NTRK3: variants seen among roughly 807,000 people sequenced by gnomAD.
The protein encoded by NTRK3 is neurotrophic receptor tyrosine kinase 3, also known as NT-3 growth factor receptor.
NTRK3 carries 24 observed loss-of-function variants against 91.7 expected under a neutral mutation model. That is an observed-to-expected ratio of 0.26 (90% confidence interval 0.19 to 0.37). The LOEUF (loss-of-function observed/expected upper bound fraction) is 0.37. Among genes scored for constraint, NTRK3 ranks in the 10% least tolerant of loss-of-function variants. The pLI, the probability that NTRK3 is intolerant of heterozygous loss-of-function variation, is 1.00. For synonymous variants in NTRK3, 483 were observed against 404.0 expected, an observed-to-expected ratio of 1.20 and a Z score of -2.34; for missense variants, 880 against 1,068.9, an observed-to-expected ratio of 0.82 and a Z score of 2.46.
exon 19 of NTRK3, chr15:87,875,853 G>C (rs1411064265): frequency 4.3e-6 from 1 of 232,468 alleles, no homozygotes; most frequent in African/African-American, 2.2e-5. Context: ...AGCAGGATGA[G>C]AAACTGAGAG....
intron 6 of NTRK3, among the ~76,000 whole-genome samples, chr15:88,146,210 G>A (rs986204550): frequency 6.6e-6 from 1 of 152,184 alleles, no homozygotes; most frequent in Admixed American, 6.5e-5. Context: ...AGGTCATCAT[G>A]GGGTGATAGG....
intron 5 of NTRK3, among the ~76,000 whole-genome samples, chr15:88,166,916 A>T (rs920507681): frequency 6.6e-6 from 1 of 152,056 alleles, no homozygotes; most frequent in South Asian, 2.1e-4. Context: ...TTTTCTCTTC[A>T]CTTTGTTTCC....
At chr15:88,228,385 G>A (rs532749470) in intron 3 of NTRK3, among the ~76,000 whole-genome samples, 23 of 152,122 alleles carry the variant, frequency 1.5e-4, no homozygotes, top group Non-Finnish European at 2.2e-4. Context: ...ATGGCTGGCT[G>A]TTATGGCTCA....
intron 14 of NTRK3, among the ~76,000 whole-genome samples, chr15:87,949,692 T>G (rs1245690229): frequency 6.6e-6 from 1 of 152,108 alleles, no homozygotes; most frequent in Non-Finnish European, 1.5e-5. Flanking sequence ...GCTCCCAACA[T>G]CAGCCTCCCT....
chr15:88,057,295 G>A (rs1048489525), intron 13 of NTRK3, among the ~76,000 whole-genome samples: 1 of 151,490 alleles, frequency 6.6e-6, no homozygotes, highest in Non-Finnish European at 1.5e-5. Flanking sequence ...TCAGGAGTTT[G>A]AGACCAGCCT....
chr15:88,103,253 T>C (rs565951781), intron 13 of NTRK3, among the ~76,000 whole-genome samples: 75 of 152,240 alleles, frequency 4.9e-4, no homozygotes, highest in African/African-American at 1.3e-3. Context: ...ATAATATAAA[T>C]GGGCCTCATC....
At chr15:87,979,056 C>A in intron 14 of NTRK3, 1 of 511,514 alleles carries the variant, frequency 2.0e-6, no homozygotes, top group Non-Finnish European at 3.5e-6. Flanking sequence ...GCTCCTGGTG[C>A]ACAGGTTTTT....
At chr15:88,159,875 C>T (rs1289814729) in intron 5 of NTRK3, among the ~76,000 whole-genome samples, 1 of 150,572 alleles carries the variant, frequency 6.6e-6, no homozygotes, top group East Asian at 2.0e-4. Flanking sequence ...GCCCAAAGTG[C>T]CTCCTACACC....
intron 5 of NTRK3, among the ~76,000 whole-genome samples, chr15:88,166,209 A>G (rs537346689): frequency 6.6e-6 from 1 of 152,262 alleles, no homozygotes; most frequent in South Asian, 2.1e-4. Context: ...TAATTCCTCA[A>G]TGCAGGGTAA....
At chr15:87,889,396 CTTTTTTTT>C (rs568030482) in intron 17 of NTRK3, among the ~76,000 whole-genome samples, 8 of 95,630 alleles carry the variant, frequency 8.4e-5, no homozygotes, top group African/African-American at 3.9e-4. Context: ...TTATTAGTTC[CTTTTTTTT>C]TTTTTTTTTT....
At chr15:87,885,449 A>C (rs2065481896) in intron 17 of NTRK3, among the ~76,000 whole-genome samples, 1 of 151,930 alleles carries the variant, frequency 6.6e-6, no homozygotes, top group Non-Finnish European at 1.5e-5. Flanking sequence ...AAAAACTAAG[A>C]TATACTTGAA....
chr15:87,885,544 G>A (rs2065487300), intron 17 of NTRK3, 150 bp downstream of exon 18: 1 of 415,676 alleles, frequency 2.4e-6, no homozygotes, highest in African/African-American at 2.1e-5. Flanking sequence ...TTTGGCATAG[G>A]GTAGACAAAT....
intron 14 of NTRK3, among the ~76,000 whole-genome samples, chr15:88,002,180 T>TTTTTTG (rs1567211523): frequency 6.8e-6 from 1 of 147,494 alleles, no homozygotes; most frequent in African/African-American, 2.5e-5. Flanking sequence ...TTTTTTTTTT[T>TTTTTTG]TTTTTTTTTT....
At chr15:88,208,014 A>T (rs1269111394) in intron 3 of NTRK3, among the ~76,000 whole-genome samples, 1 of 152,154 alleles carries the variant, frequency 6.6e-6, no homozygotes, top group East Asian at 1.9e-4. Context: ...AAGTAAGGCT[A>T]CTTGGTTTGC....
At chr15:88,186,225 CT>C (rs1471385887) in intron 3 of NTRK3, among the ~76,000 whole-genome samples, 1 of 152,302 alleles carries the variant, frequency 6.6e-6, no homozygotes, top group African/African-American at 2.4e-5. Context: ...CAACAAGCAA[CT>C]TTTATCCAAT....
At chr15:88,078,155 C>T (rs981136678) in intron 13 of NTRK3, among the ~76,000 whole-genome samples, 10 of 152,314 alleles carry the variant, frequency 6.6e-5, no homozygotes, top group Admixed American at 4.6e-4. Context: ...GGTCTCTTGA[C>T]ATCTCGGCAC....
At chr15:87,947,471 A>C (rs1028377273) in intron 14 of NTRK3, among the ~76,000 whole-genome samples, 4 of 152,084 alleles carry the variant, frequency 2.6e-5, no homozygotes, top group Admixed American at 6.5e-5. Flanking sequence ...TTTATCCTGG[A>C]ACCTATTCTT....
chr15:88,159,808 C>G lies in NTRK3; in HGVS notation c.396-12405G>C, dbSNP rs113940520. Among the ~76,000 whole-genome samples the G allele has an allele frequency of 2.8e-3, 427 of 152,126 alleles. 3 individuals carry two copies. The Middle Eastern group carries it at 0.031, about 11-fold the overall frequency. On this transcript the variant is annotated intron_variant, in intron 5 of 18. Transcript: ENST00000394480. ...ATCTCCAATGGGGACGTGCCCCTGG[C>G]TGGTCCAGGGCAGGGCCATCACAGC... is the stretch of plus-strand genomic sequence containing the variant.
intron 14 of NTRK3, among the ~76,000 whole-genome samples, chr15:87,991,703 C>T (rs1415799276): frequency 1.3e-5 from 2 of 152,116 alleles, no homozygotes; most frequent in African/African-American, 2.4e-5. Flanking sequence ...CTTGCCAGTG[C>T]CTTTCTAATT....
Sources: allele counts gnomAD v4.1 joint callset (sites outside exome capture counted in the v4.1 genomes callset), GRCh38; gene constraint gnomAD v4.1.1; transcripts MANE v1.5; gene names NCBI Gene and HGNC (gene_info 2026-07-23, HGNC 2026-07-21).